The following ADISSP variants were observed in gnomAD, a reference collection of about 807,000 sequenced individuals.
ADISSP encodes the protein adipose-secreted signaling protein.
At chr20:3,764,849 C>G in the ADISSP span, among the ~76,000 whole-genome samples, 2 of 152,260 alleles carry the variant, frequency 1.3e-5, no homozygotes, top group Non-Finnish European at 2.9e-5. Context: ...GAACTCCCCA[C>G]CCCACTCTTT....
At chr20:3,761,419 T>C in the ADISSP span, among the ~76,000 whole-genome samples, 17,725 of 151,380 alleles carry the variant, frequency 0.12, 1,247 homozygotes, top group African/African-American at 0.19. Context: ...AACTGCAACA[T>C]CTGCCTCCTG....
At chr20:3,762,381 GTGTTTT>G in the ADISSP span, among the ~76,000 whole-genome samples, 1 of 152,146 alleles carries the variant, frequency 6.6e-6, no homozygotes, top group Non-Finnish European at 1.5e-5. Context: ...GCTGCCTGTT[GTGTTTT>G]TGTTTTTGTT....
chr20:3,753,782 C>T, the ADISSP span: 5 of 524,252 alleles, frequency 9.5e-6, no homozygotes, highest in Non-Finnish European at 1.7e-5. Flanking sequence ...ACCCCAGGCC[C>T]TCCCTCTCCC....
chr20:3,761,809 A>G, the ADISSP span, among the ~76,000 whole-genome samples: 1 of 152,160 alleles, frequency 6.6e-6, no homozygotes, highest in East Asian at 1.9e-4. Flanking sequence ...TCCTGCCAAA[A>G]AGGTTTAACC....
the ADISSP span, chr20:3,768,027 G>C: frequency 6.6e-6 from 1 of 152,392 alleles, no homozygotes; most frequent in African/African-American, 2.4e-5. Flanking sequence ...GGAGGGCCTC[G>C]GATAGGCCCC....
the ADISSP span, among the ~76,000 whole-genome samples, chr20:3,757,873 A>G: frequency 6.6e-6 from 1 of 151,360 alleles, no homozygotes; most frequent in African/African-American, 2.4e-5. Flanking sequence ...AGCGCAGCAG[A>G]CCCCCCACTC....
At chr20:3,765,693 A>G in the ADISSP span, among the ~76,000 whole-genome samples, 1 of 152,032 alleles carries the variant, frequency 6.6e-6, no homozygotes, top group Non-Finnish European at 1.5e-5. Context: ...AAAACAGCTC[A>G]AGGGGTGAGG....
the ADISSP span, chr20:3,755,378 G>A: frequency 3.1e-6 from 4 of 1,272,812 alleles, no homozygotes; most frequent in South Asian, 3.7e-5. Context: ...CCGACTTGCT[G>A]AGCTGCCCAT....
chr20:3,762,632 G>A, the ADISSP span, among the ~76,000 whole-genome samples: 7 of 152,310 alleles, frequency 4.6e-5, no homozygotes, highest in South Asian at 1.0e-3. Context: ...GATTACAGAC[G>A]TGAGCCGCCA....
chr20:3,763,713 G>C, the ADISSP span, among the ~76,000 whole-genome samples: 1 of 152,216 alleles, frequency 6.6e-6, no homozygotes, highest in African/African-American at 2.4e-5. Context: ...TTAGAGATGA[G>C]TGACACTGGC....
chr20:3,763,471 C>T, the ADISSP span, among the ~76,000 whole-genome samples: 1 of 150,898 alleles, frequency 6.6e-6, no homozygotes, highest in African/African-American at 2.4e-5. Flanking sequence ...GCAGGAGAAT[C>T]GCTTGAACCC....
the ADISSP span, among the ~76,000 whole-genome samples, chr20:3,760,480 C>T: frequency 6.6e-6 from 1 of 152,196 alleles, no homozygotes; most frequent in Admixed American, 6.5e-5. Context: ...ATCCCCAGCA[C>T]CCCCAGAGAC....
chr20:3,754,293 C>T, the ADISSP span: 31 of 1,503,202 alleles, frequency 2.1e-5, no homozygotes, highest in Admixed American at 3.4e-5. Flanking sequence ...AACCCCTGAG[C>T]CGGGCAAGGA....
chr20:3,756,522 C>G, the ADISSP span, among the ~76,000 whole-genome samples: 1 of 152,206 alleles, frequency 6.6e-6, no homozygotes, highest in South Asian at 2.1e-4. Context: ...GTTACTGGGG[C>G]TGGGCAGCCC....
the ADISSP span, chr20:3,758,581 C>A: frequency 6.2e-7 from 1 of 1,613,576 alleles, no homozygotes; most frequent in African/African-American, 1.3e-5. The surrounding 1 kb of genome is among the most constrained non-coding windows in gnomAD (Gnocchi z 5.5). Flanking sequence ...CCATGACCAC[C>A]GAGTCATGCA....
the ADISSP span, chr20:3,753,763 G>T: frequency 2.1e-6 from 1 of 476,790 alleles, no homozygotes. Flanking sequence ...GGTGGGGAGT[G>T]GGGGACCCAC....
the ADISSP span, among the ~76,000 whole-genome samples, chr20:3,761,517 G>C: frequency 1.3e-5 from 2 of 152,108 alleles, no homozygotes; most frequent in African/African-American, 4.8e-5. Flanking sequence ...TGTATTTTTA[G>C]TAGAGACAGG....
the ADISSP span, among the ~76,000 whole-genome samples, chr20:3,761,477 A>G: frequency 6.6e-6 from 1 of 152,062 alleles, no homozygotes; most frequent in Non-Finnish European, 1.5e-5. Context: ...CTGGGACTAC[A>G]GGCGCCCGCC....
the ADISSP span, among the ~76,000 whole-genome samples, chr20:3,763,753 C>A: frequency 6.6e-6 from 1 of 152,168 alleles, no homozygotes; most frequent in East Asian, 1.9e-4. Flanking sequence ...AGAGGAACTA[C>A]AGGGTGGCCT....
Sources: allele counts gnomAD v4.1 joint callset (sites outside exome capture counted in the v4.1 genomes callset), GRCh38; gene constraint gnomAD v4.1.1; non-coding constraint Gnocchi (gnomAD v3.1); transcripts MANE v1.5; gene names NCBI Gene and HGNC (gene_info 2026-07-23, HGNC 2026-07-21).